PRKCQ: variants seen among roughly 807,000 people sequenced by gnomAD.
PRKCQ encodes protein kinase C theta.
A neutral mutation model predicts 91.2 loss-of-function variants in PRKCQ; 41 were observed. The observed-to-expected ratio is 0.45, with a 90% CI of 0.35 to 0.58. PRKCQ has a LOEUF of 0.58. PRKCQ is among the 20% of genes least tolerant of loss of function. The pLI is 0.00. For synonymous variants in PRKCQ, 307 were observed against 316.9 expected, an observed-to-expected ratio of 0.97 and a Z score of 0.33; for missense variants, 673 against 896.5, an observed-to-expected ratio of 0.75 and a Z score of 3.18.
intron 1 of PRKCQ, among the ~76,000 whole-genome samples, chr10:6,559,590 C>T (rs1209943863): frequency 1.3e-5 from 2 of 152,128 alleles, no homozygotes; most frequent in African/African-American, 4.8e-5. Context: ...AACTCCTGAC[C>T]TCAGGTGATC....
At chr10:6,547,486 T>C (rs1840005671) in intron 1 of PRKCQ, among the ~76,000 whole-genome samples, 1 of 152,022 alleles carries the variant, frequency 6.6e-6, no homozygotes, top group Admixed American at 6.5e-5. Context: ...CAAACTATAC[T>C]ACAGGCTACA....
intron 16 of PRKCQ, among the ~76,000 whole-genome samples, chr10:6,432,887 C>T (rs997099822): frequency 6.6e-6 from 1 of 152,188 alleles, no homozygotes; most frequent in African/African-American, 2.4e-5. Context: ...GATACCCTCC[C>T]CTAGTCGACT....
chr10:6,488,490 A>G (rs1384646718), intron 8 of PRKCQ, among the ~76,000 whole-genome samples: 1 of 150,754 alleles, frequency 6.6e-6, no homozygotes, highest in Non-Finnish European at 1.5e-5. Context: ...GATTCAAGAG[A>G]TTCTCCTGCC....
chr10:6,473,305 TG>T (rs1836095567), intron 12 of PRKCQ, among the ~76,000 whole-genome samples: 1 of 152,270 alleles, frequency 6.6e-6, no homozygotes, highest in Admixed American at 6.5e-5. Flanking sequence ...TGTTTCCAGG[TG>T]GGCCATCCTC....
At chr10:6,417,542 G>A in the PRKCQ span, among the ~76,000 whole-genome samples, 32 of 152,294 alleles carry the variant, frequency 2.1e-4, no homozygotes, top group East Asian at 4.2e-3. Context: ...TTCGGAATGC[G>A]TGCGATCTAA....
chr10:6,577,738 C>A (rs7100232), intron 1 of PRKCQ, among the ~76,000 whole-genome samples: 2,059 of 152,198 alleles, frequency 0.014, 20 homozygotes, highest in Non-Finnish European at 0.018. Context: ...TTAGGGGCAA[C>A]AACATAATCA....
At chr10:6,523,536 C>G (rs982956042) in intron 1 of PRKCQ, among the ~76,000 whole-genome samples, 1 of 152,086 alleles carries the variant, frequency 6.6e-6, no homozygotes, top group Non-Finnish European at 1.5e-5. Flanking sequence ...AAACCGAAGG[C>G]TAACAGTCAA....
Position 6,557,003 on chromosome 10 carries a change from A to T in PRKCQ, c.-10+23208T>A, listed in dbSNP as rs148465500. On this transcript the variant is annotated intron_variant, in intron 1 of 17. Transcript: ENST00000263125. ...TGCATACATGATCCTAACCCTGTAC[A>T]CACTCTTGGAATTGTTCTTTTCTTT... is the stretch of plus-strand genomic sequence containing the variant. Among the ~76,000 whole-genome samples, 813 of 152,178 alleles carry T rather than the reference A, an allele frequency of 5.3e-3. 9 individuals are homozygous for T. Among genetic ancestry groups the T allele is most frequent in the African/African-American group, 0.019 (773 of 41,490 alleles).
Position 6,456,917 on chromosome 10 carries a change from G to A in PRKCQ, c.1509-105C>T, listed in dbSNP as rs928814711. The A allele has an allele frequency of 5.1e-5, 61 of 1,204,000 alleles. 1 individual carries two copies. The highest frequency in any genetic ancestry group is 7.0e-5 in the Non-Finnish European group (60 of 855,314). The allele number at this position is 1,204,000 out of a possible 1,614,324, so 74.6% of individuals were successfully genotyped here. On this transcript the variant is annotated intron_variant, in intron 14 of 17. Coordinates refer to ENST00000263125, the MANE Select transcript of PRKCQ (RefSeq NM_006257.5). Reference sequence around the variant, plus strand: ...TTTGTCTCATTGCAGCCTGAGAGGGGCTCACGAGAGGCGCTTATGTATCTA... The same window carrying A: ...TTTGTCTCATTGCAGCCTGAGAGGGACTCACGAGAGGCGCTTATGTATCTA...
At chr10:6,530,485 T>C (rs1177247713) in intron 1 of PRKCQ, among the ~76,000 whole-genome samples, 1 of 152,218 alleles carries the variant, frequency 6.6e-6, no homozygotes, top group South Asian at 2.1e-4. Context: ...TAGAGAATAC[T>C]CTACGGAAGC....
Position 6,437,364 on chromosome 10 carries a change from A to C in PRKCQ, c.1836+4529T>G, listed in dbSNP as rs150128816. 3.5e-3 allele frequency among the ~76,000 whole-genome samples: 539 copies of C among 152,296 alleles called. 2 individuals carry two copies. The highest frequency in any genetic ancestry group is 0.013 in the African/African-American group (520 of 41,550). On this transcript the variant is annotated intron_variant, in intron 16 of 17. Coordinates refer to ENST00000263125, the MANE Select transcript of PRKCQ (RefSeq NM_006257.5). Reference sequence around the variant, plus strand: ...TCTCTGCTGTAAGGACACAACAAGAAGGCAGCTGTCTACCAGCCAGGAAGA... The same window carrying C: ...TCTCTGCTGTAAGGACACAACAAGACGGCAGCTGTCTACCAGCCAGGAAGA...
intron 1 of PRKCQ, among the ~76,000 whole-genome samples, chr10:6,567,800 T>C (rs1444952624): frequency 6.6e-6 from 1 of 152,254 alleles, no homozygotes; most frequent in Non-Finnish European, 1.5e-5. Context: ...TTAAATAGTT[T>C]ACTACTCTTT....
intron 14 of PRKCQ, 150 bp from the exon 15 acceptor site, chr10:6,456,962 GGGT>G: frequency 6.6e-6 from 5 of 755,694 alleles, no homozygotes; most frequent in Non-Finnish European, 1.1e-5. Flanking sequence ...ACACCAAGTG[GGGT>G]GTAGACAAAG....
chr10:6,425,977 G>A (rs927965871), downstream of PRKCQ, among the ~76,000 whole-genome samples: 2 of 152,130 alleles, frequency 1.3e-5, no homozygotes, highest in Admixed American at 1.3e-4. Context: ...TGCTGGGGCA[G>A]GGGTATGTGG....
chr10:6,515,209 T>A, intron 1 of PRKCQ, 65 bp from the exon 2 acceptor site: 1 of 1,604,092 alleles, frequency 6.2e-7, no homozygotes, highest in Non-Finnish European at 8.5e-7. Context: ...TGGTGCCCCA[T>A]GTCTACTTAA....
chr10:6,550,372 C>T (rs1359401833), intron 1 of PRKCQ, among the ~76,000 whole-genome samples: 1 of 152,184 alleles, frequency 6.6e-6, no homozygotes, highest in African/African-American at 2.4e-5. Context: ...CTCCCAGATT[C>T]AAACTATTCT....
intron 14 of PRKCQ, among the ~76,000 whole-genome samples, chr10:6,461,824 G>T (rs1357983578): frequency 2.0e-5 from 3 of 152,150 alleles, no homozygotes; most frequent in African/African-American, 4.8e-5. Flanking sequence ...TACATTTTGA[G>T]AAAAGAAGTG....
At chr10:6,464,213 C>T (rs1436174315) in intron 13 of PRKCQ, 100 bp downstream of exon 13, 4 of 992,530 alleles carry the variant, frequency 4.0e-6, no homozygotes, top group Non-Finnish European at 6.3e-6. Flanking sequence ...GTTCACCTGG[C>T]CCTGGGATTC....
chr10:6,445,782 A>T lies in PRKCQ; in HGVS notation c.1648-3701T>A, dbSNP rs756012435. On this transcript the variant is annotated intron_variant, in intron 15 of 17. Coordinates refer to ENST00000263125, the MANE Select transcript of PRKCQ (RefSeq NM_006257.5). ...TCATCTGAAGGTAGACCCAGGGAGA[A>T]TGATAAGGAAATATAAGATGCACCT... Among the ~76,000 whole-genome samples the T allele has an allele frequency of 5.9e-5, 9 of 152,244 alleles. 1 individual carries two copies. Among genetic ancestry groups the T allele is most frequent in the Non-Finnish European group, 1.3e-4 (9 of 68,042 alleles).
Sources: allele counts gnomAD v4.1 joint callset (sites outside exome capture counted in the v4.1 genomes callset), GRCh38; gene constraint gnomAD v4.1.1; transcripts MANE v1.5; gene names NCBI Gene and HGNC (gene_info 2026-07-23, HGNC 2026-07-21).